TEX9: variants seen among roughly 807,000 people sequenced by gnomAD.
The protein encoded by TEX9 is testis-expressed protein 9.
A neutral mutation model predicts 59.6 loss-of-function variants in TEX9; 74 were observed. That is an observed-to-expected ratio of 1.24 (90% CI 1.03 to 1.51). The LOEUF (loss-of-function observed/expected upper bound fraction) is 1.51, where lower values mean the gene tolerates loss of function less well. Among genes scored for constraint, TEX9 ranks in the 40% most tolerant of loss-of-function variants. The pLI is 0.00. For missense variants in TEX9, 522 were observed against 447.8 expected (o/e 1.17, Z -1.49); for synonymous variants, 186 against 152.2 (o/e 1.22, Z -1.64).
At chr15:56,449,624 T>C (rs2050934468), downstream of TEX9, among the ~76,000 whole-genome samples, 1 of 152,230 alleles carries the variant, frequency 6.6e-6, no homozygotes, top group African/African-American at 2.4e-5. Flanking sequence ...TTTTTCTGTT[T>C]TACAGAACTA....
chr15:56,378,439 A>G (rs1157881970), intron 3 of TEX9, among the ~76,000 whole-genome samples: 2 of 151,058 alleles, frequency 1.3e-5, no homozygotes, highest in Admixed American at 6.6e-5. Context: ...TCATGGTTCA[A>G]TCTTGGTGGG....
intron 1 of TEX9, among the ~76,000 whole-genome samples, chr15:56,350,713 G>A (rs1469949761): frequency 1.3e-5 from 2 of 151,982 alleles, no homozygotes; most frequent in Admixed American, 1.3e-4. Context: ...TATTCATTTC[G>A]CTAGGCCTTG....
At chr15:56,382,213 G>A (rs149403542) in intron 3 of TEX9, among the ~76,000 whole-genome samples, 80 of 152,226 alleles carry the variant, frequency 5.3e-4, no homozygotes, top group African/African-American at 1.8e-3. Flanking sequence ...TTTCAGTCAG[G>A]TCGTGGTGAA....
intron 3 of TEX9, 93 bp downstream of exon 3, chr15:56,373,597 A>C: frequency 2.0e-6 from 2 of 998,258 alleles, no homozygotes; most frequent in East Asian, 3.1e-5. Flanking sequence ...AACACTAGCC[A>C]AAGCATGTGT....
chr15:56,381,292 T>C (rs1317134772), intron 3 of TEX9, among the ~76,000 whole-genome samples: 1 of 152,200 alleles, frequency 6.6e-6, no homozygotes, highest in African/African-American at 2.4e-5. Context: ...CTGATAGAAT[T>C]TTGAATTCCT....
chr15:56,299,183 G>A (rs1279496378), intron 1 of TEX9, among the ~76,000 whole-genome samples: 1 of 152,238 alleles, frequency 6.6e-6, no homozygotes, highest in Non-Finnish European at 1.5e-5. Context: ...CCCAGCAGTA[G>A]CAATGGCCCT....
intron 3 of TEX9, among the ~76,000 whole-genome samples, chr15:56,373,829 T>G (rs1179853218): frequency 2.6e-5 from 4 of 152,108 alleles, no homozygotes; most frequent in Non-Finnish European, 4.4e-5. Context: ...CTTTAAAACT[T>G]TTATCAGTTC....
chr15:56,336,386 C>G (rs1304209709), intron 1 of TEX9, among the ~76,000 whole-genome samples: 1 of 151,308 alleles, frequency 6.6e-6, no homozygotes, highest in African/African-American at 2.5e-5. Flanking sequence ...AATCAGAGAA[C>G]TAGCTAGCTC....
intron 1 of TEX9, among the ~76,000 whole-genome samples, chr15:56,335,147 A>G (rs558719249): frequency 6.6e-6 from 1 of 152,268 alleles, no homozygotes; most frequent in South Asian, 2.1e-4. Context: ...TCCTACTGCC[A>G]GGTATAGAGC....
chr15:56,305,694 T>C (rs748526990), intron 1 of TEX9, among the ~76,000 whole-genome samples: 6 of 152,120 alleles, frequency 3.9e-5, no homozygotes, highest in Non-Finnish European at 5.9e-5. Context: ...GGGAAAGCGC[T>C]CCAGGACATT....
At chr15:56,400,649 T>C (rs2048722662) in intron 9 of TEX9, among the ~76,000 whole-genome samples, 2 of 151,524 alleles carry the variant, frequency 1.3e-5, no homozygotes, top group Admixed American at 1.3e-4. Context: ...ACAAAGATAC[T>C]CCTCGAGAAG....
intron 12 of TEX9, among the ~76,000 whole-genome samples, chr15:56,432,915 G>A (rs1449121263): frequency 6.6e-6 from 1 of 152,050 alleles, no homozygotes; most frequent in South Asian, 2.1e-4. Context: ...TCTTCCTACC[G>A]ATTTTCAAAA....
chr15:56,283,999 A>AT (rs1389460500), intron 1 of TEX9, among the ~76,000 whole-genome samples: 1 of 152,220 alleles, frequency 6.6e-6, no homozygotes, highest in African/African-American at 2.4e-5. Context: ...AATTAAACAG[A>AT]TTTTTAACAA....
rs151004626 is a variant in TEX9 at position 56,407,615 on chromosome 15, C to T, written c.829-4687C>T. The stretch of plus-strand genomic sequence containing the variant: ...TTCTGTCATTTATTCTTAATCAGTC[C>T]TACTTTAAATGTATTTACAAATCTC... On this transcript the variant is annotated intron_variant, in intron 9 of 12. Coordinates refer to ENST00000352903, the Ensembl canonical transcript of TEX9. Among the ~76,000 whole-genome samples the T allele has an allele frequency of 2.4e-4, 37 of 152,020 alleles. No homozygotes were observed. The East Asian group carries it at 6.2e-3, about 25-fold the overall frequency.
At chr15:56,296,139 C>T (rs1330688987) in intron 1 of TEX9, among the ~76,000 whole-genome samples, 6 of 152,194 alleles carry the variant, frequency 3.9e-5, no homozygotes, top group Non-Finnish European at 8.8e-5. Context: ...GTATACCCCA[C>T]GGCCCAGCTT....
intron 12 of TEX9, chr15:56,429,277 G>C: frequency 1.2e-6 from 1 of 834,500 alleles, no homozygotes; most frequent in Non-Finnish European, 1.9e-6. Flanking sequence ...CATAAGATTA[G>C]TAAAGTTATC....
intron 4 of TEX9, among the ~76,000 whole-genome samples, chr15:56,385,524 G>C (rs1404861169): frequency 6.6e-6 from 1 of 152,096 alleles, no homozygotes; most frequent in Non-Finnish European, 1.5e-5. Context: ...TCTCTCCTTA[G>C]AAGCTTGACA....
chr15:56,350,368 CAACA>C (rs1203667639), intron 1 of TEX9, among the ~76,000 whole-genome samples: 3 of 152,116 alleles, frequency 2.0e-5, no homozygotes, highest in Admixed American at 1.3e-4. Flanking sequence ...TTTTGGAGAA[CAACA>C]AAGTAGACTG....
At chr15:56,254,538 A>G (rs1596044387) in intron 1 of TEX9, among the ~76,000 whole-genome samples, 1 of 151,704 alleles carries the variant, frequency 6.6e-6, no homozygotes, top group Middle Eastern at 3.4e-3. Flanking sequence ...CACTCTCCCC[A>G]GCAATATGCC....
Sources: gnomAD v4.1 joint callset for allele counts (sites outside exome capture counted in the v4.1 genomes callset) on GRCh38, gnomAD v4.1.1 for gene constraint, MANE v1.5 for transcripts, NCBI Gene and HGNC (gene_info 2026-07-23, HGNC 2026-07-21) for gene names.